The following FAM168A variants were observed in gnomAD, a reference collection of about 807,000 sequenced individuals.
The protein encoded by FAM168A is protein FAM168A.
Under a neutral mutation model 28.5 loss-of-function variants are expected in FAM168A, and 3 were observed. The ratio of observed to expected loss-of-function variants is 0.11; its 90% confidence interval spans 0.05 to 0.27. The LOEUF (loss-of-function observed/expected upper bound fraction) is 0.27. Ranked by LOEUF, FAM168A falls within the 10% of genes least tolerant of loss-of-function variation. FAM168A has a pLI of 1.00. For synonymous variants in FAM168A, 122 were observed against 124.2 expected, an observed-to-expected ratio of 0.98 and a Z score of 0.12; for missense variants, 222 against 311.5, an observed-to-expected ratio of 0.71 and a Z score of 2.16.
intron 1 of FAM168A, among the ~76,000 whole-genome samples, chr11:73,584,908 C>G (rs969370156): frequency 2.6e-5 from 4 of 151,756 alleles, no homozygotes; most frequent in Non-Finnish European, 4.4e-5. Context: ...ACCAAGGCAG[C>G]AGAGGATTGC....
chr11:73,492,530 T>C (rs1281012539), intron 1 of FAM168A, among the ~76,000 whole-genome samples: 3 of 152,066 alleles, frequency 2.0e-5, no homozygotes, highest in African/African-American at 7.2e-5. Flanking sequence ...TAGTCCCAGC[T>C]ACACGGGGGG....
chr11:73,568,375 G>A (rs1041338418), intron 1 of FAM168A, among the ~76,000 whole-genome samples: 20 of 152,214 alleles, frequency 1.3e-4, no homozygotes, highest in African/African-American at 4.6e-4. Flanking sequence ...ACTCTTAGGT[G>A]AGGGGTTAAT....
chr11:73,466,418 A>G (rs1245886163), intron 2 of FAM168A, among the ~76,000 whole-genome samples: 1 of 152,210 alleles, frequency 6.6e-6, no homozygotes, highest in Non-Finnish European at 1.5e-5. Context: ...AGCTATATAC[A>G]TTAGTCAAGT....
intron 1 of FAM168A, among the ~76,000 whole-genome samples, chr11:73,532,991 C>T (rs1943532864): frequency 6.6e-6 from 1 of 152,212 alleles, no homozygotes. Context: ...TACTGCATTG[C>T]TCTCTGACCT....
chr11:73,525,828 C>G (rs1000562818), intron 1 of FAM168A, among the ~76,000 whole-genome samples: 6 of 152,172 alleles, frequency 3.9e-5, no homozygotes, highest in African/African-American at 1.4e-4. Context: ...TGCGAAATAC[C>G]AGTTCTGTTC....
rs1866466222 is a variant in FAM168A, at chr11:73,404,375, G to A, written c.*2388C>T. 1 of 152,104 alleles carries A rather than the reference G, an allele frequency of 6.6e-6. No homozygotes were observed. Among genetic ancestry groups the A allele is most frequent in the Non-Finnish European group, 1.5e-5 (1 of 68,038 alleles). 9.4% of individuals were successfully genotyped at this position (152,104 alleles called of 1,614,324 possible). A position where few individuals can be genotyped will look rare whatever the true frequency, so the allele number is the denominator to read the frequency against. On this transcript the variant is annotated 3_prime_UTR_variant, in exon 8 of 8. Transcript: ENST00000356467. The stretch of plus-strand genomic sequence containing the variant: ...TCTAACCCTGTCCCTCTCAGGGCGA[G>A]TACATGAAAGGCCGTGAAGTGCTTT...
intron 1 of FAM168A, among the ~76,000 whole-genome samples, chr11:73,557,788 G>A (rs891200742): frequency 6.6e-6 from 1 of 152,100 alleles, no homozygotes; most frequent in African/African-American, 2.4e-5. Context: ...TATGGTAATC[G>A]ATACAGCATG....
At position 73,400,539 on chromosome 11, in the gene FAM168A, T is replaced by G. The variant is rs1289615685; in HGVS notation, c.*6224A>C. 3.3e-5 allele frequency: 5 copies of G among 152,354 alleles called. No individual in the cohort carries two copies. The highest frequency in any genetic ancestry group is 2.6e-4 in the Admixed American group (4 of 15,298). 9.4% of individuals were successfully genotyped at this position (152,354 alleles called of 1,614,324 possible). ...CGGATGGCTCAATGGATTTCAACTC[T>G]GAATGGCCTCACTGTGCTCCCACAT... On this transcript the variant is annotated 3_prime_UTR_variant, in exon 8 of 8. Transcript: ENST00000356467.
rs1288126733 is a variant in FAM168A, at chr11:73,403,007, T to A, written c.*3756A>T. 6.6e-6 allele frequency: 1 copy of A among 152,190 alleles called. No individual in the cohort carries two copies. The highest frequency in any genetic ancestry group is 1.5e-5 in the Non-Finnish European group (1 of 68,040). 9.4% of individuals were successfully genotyped at this position (152,190 alleles called of 1,614,324 possible). The stretch of plus-strand genomic sequence containing the variant: ...AAGAGCAGAGGATTTGAAGAATCAC[T>A]TCCAAGCTGTGTGACCTTTTAGCAA... On this transcript the variant is annotated 3_prime_UTR_variant, in exon 8 of 8. Coordinates refer to ENST00000356467, the MANE Select transcript of FAM168A (RefSeq NM_015159.3).
At chr11:73,573,531 C>T (rs1744532264) in intron 1 of FAM168A, among the ~76,000 whole-genome samples, 1 of 152,202 alleles carries the variant, frequency 6.6e-6, no homozygotes, top group African/African-American at 2.4e-5. Flanking sequence ...TTTATCTACC[C>T]AGAACATCAT....
At chr11:73,409,292 A>C (rs1226174944) in intron 6 of FAM168A, among the ~76,000 whole-genome samples, 195 bp downstream of exon 6, 1 of 152,088 alleles carries the variant, frequency 6.6e-6, no homozygotes, top group African/African-American at 2.4e-5. Flanking sequence ...TTTAAGGCCT[A>C]GCTCGATACG....
At chr11:73,479,791 C>CTGAT (rs1456385425) in intron 1 of FAM168A, among the ~76,000 whole-genome samples, 1 of 152,080 alleles carries the variant, frequency 6.6e-6, no homozygotes, top group Admixed American at 6.6e-5. Flanking sequence ...GGAAAAGGGC[C>CTGAT]TGATATTAAA....
chr11:73,556,032 C>T (rs993260255), intron 1 of FAM168A, among the ~76,000 whole-genome samples: 1 of 151,990 alleles, frequency 6.6e-6, no homozygotes. Flanking sequence ...AGTGTCATGC[C>T]AAAGACAAAA....
chr11:73,499,056 C>T (rs572609398), intron 1 of FAM168A, among the ~76,000 whole-genome samples: 16 of 152,158 alleles, frequency 1.1e-4, no homozygotes, highest in Non-Finnish European at 2.2e-4. Flanking sequence ...CCACCCAAGA[C>T]CCTTCGACAG....
intron 2 of FAM168A, among the ~76,000 whole-genome samples, chr11:73,459,592 G>C (rs1461238717): frequency 6.6e-6 from 1 of 152,074 alleles, no homozygotes; most frequent in African/African-American, 2.4e-5. Context: ...CCTGAGCAAA[G>C]CAGCTGCCAC....
chr11:73,579,496 CACCTT>C lies in FAM168A; in HGVS notation c.-19+18422_-19+18426del, dbSNP rs1207943883. Among the ~76,000 whole-genome samples the C allele has an allele frequency of 4.6e-5, 7 of 152,234 alleles. No homozygotes were observed. The East Asian group carries it at 1.2e-3, about 25-fold the overall frequency. On this transcript the variant is annotated intron_variant, in intron 1 of 7. Coordinates refer to ENST00000356467, the MANE Select transcript of FAM168A (RefSeq NM_015159.3). Reference sequence around the variant, plus strand: ...AAGTACAATAGCTGAGATTTAAACTCACCTTACAAAATTATTGAGGAATAACTGGA... The same window carrying C: ...AAGTACAATAGCTGAGATTTAAACTCACAAAATTATTGAGGAATAACTGGA...
intron 5 of FAM168A, 145 bp from the exon 6 acceptor site, chr11:73,409,806 G>C (rs1432766614): frequency 1.5e-5 from 11 of 751,800 alleles, no homozygotes; most frequent in Non-Finnish European, 2.3e-5. Flanking sequence ...GTGCAGTGCT[G>C]GGCTCAGCTT....
At chr11:73,468,586 G>A in intron 1 of FAM168A, 94 bp from the exon 2 acceptor site, 2 of 1,058,058 alleles carry the variant, frequency 1.9e-6, no homozygotes, top group East Asian at 2.5e-5. Context: ...TCCCTGAAAG[G>A]AAAGCATCAG....
rs547474447 is a variant in FAM168A, at chr11:73,402,082, C to G, written c.*4681G>C. 2.0e-5 allele frequency: 3 copies of G among 152,402 alleles called. No individual in the cohort carries two copies. In the East Asian group the frequency reaches 5.8e-4, roughly 29 times the overall value. 9.4% of individuals were successfully genotyped at this position (152,402 alleles called of 1,614,324 possible). A position where few individuals can be genotyped will look rare whatever the true frequency, so the allele number is the denominator to read the frequency against. ...CTTCAGCTCTGCGGGTGGGTCCCAA[C>G]TGGCCCACTCTACTACTGCCCCTCT... On this transcript the variant is annotated 3_prime_UTR_variant, in exon 8 of 8. Coordinates refer to ENST00000356467, the MANE Select transcript of FAM168A (RefSeq NM_015159.3).
Sources: allele counts gnomAD v4.1 joint callset (sites outside exome capture counted in the v4.1 genomes callset), GRCh38; gene constraint gnomAD v4.1.1; transcripts MANE v1.5; gene names NCBI Gene and HGNC (gene_info 2026-07-23, HGNC 2026-07-21).